Variants in PLCB1 observed in about 807,000 individuals in gnomAD.
PLCB1 encodes the protein phospholipase C beta 1.
Under a neutral mutation model 161.8 loss-of-function variants are expected in PLCB1, and 46 were observed. The observed-to-expected ratio is 0.28, with a 90% CI of 0.22 to 0.36. PLCB1 has a LOEUF of 0.36. PLCB1 is among the 10% of genes least tolerant of loss of function. PLCB1 has a pLI of 1.00. For missense variants in PLCB1, 1,016 were observed against 1,472.5 expected (o/e 0.69, Z 5.07); for synonymous variants, 517 against 503.7 (o/e 1.03, Z -0.35).
intron 2 of PLCB1, among the ~76,000 whole-genome samples, chr20:8,178,239 T>G (rs1173359486): frequency 6.6e-6 from 1 of 152,196 alleles, no homozygotes; most frequent in Non-Finnish European, 1.5e-5. Context: ...GGTTGAATGG[T>G]AGTTCTAAAT....
At position 8,717,786 on chromosome 20, in the gene PLCB1, A is replaced by G; in HGVS notation, c.1451A>G (p.Glu484Gly). ...SEGSGKKKLS[E>G]QASNTYSDSS... ...GGAAGCGGCAAAAAGAAGCTCTCAG[A>G]ACAAGCCTCCAACACCTACAGTGAC... Residue 484 changes from glutamate to glycine, a missense_variant, in exon 14 of 32, where the codon GAA (glutamate) becomes GGA (glycine). Around this residue, in one of 10 missense-constraint regions of PLCB1, gnomAD observed 109 missense variants for 129.7 expected, o/e 0.84. Coordinates refer to ENST00000338037, the MANE Select transcript of PLCB1 (RefSeq NM_015192.4). 6.2e-7 allele frequency: 1 copy of G among 1,614,102 alleles called. No homozygotes were observed. Among genetic ancestry groups the G allele is most frequent in the Non-Finnish European group, 8.5e-7 (1 of 1,179,968 alleles).
At chr20:8,757,307 C>T in intron 24 of PLCB1, 129 bp downstream of exon 24, 1 of 896,260 alleles carries the variant, frequency 1.1e-6, no homozygotes. Flanking sequence ...TTAGGAGGAG[C>T]TCCGTCAATG....
At chr20:8,137,922 A>G (rs959497175) in intron 1 of PLCB1, among the ~76,000 whole-genome samples, 1 of 152,236 alleles carries the variant, frequency 6.6e-6, no homozygotes, top group African/African-American at 2.4e-5. Context: ...CTTGAACAAC[A>G]GCAACAAAAG....
intron 2 of PLCB1, among the ~76,000 whole-genome samples, chr20:8,345,656 C>G (rs1169635234): frequency 2.6e-5 from 4 of 152,118 alleles, no homozygotes; most frequent in Non-Finnish European, 4.4e-5. Flanking sequence ...CAAAATATTC[C>G]TAGACTTTGC....
chr20:8,844,457 C>T (rs1453280656), intron 31 of PLCB1, among the ~76,000 whole-genome samples: 1 of 152,178 alleles, frequency 6.6e-6, no homozygotes, highest in Non-Finnish European at 1.5e-5. Context: ...ATGGCTAATG[C>T]CTGTAATCCT....
intron 11 of PLCB1, among the ~76,000 whole-genome samples, chr20:8,703,473 G>A (rs561783883): frequency 8.5e-5 from 13 of 152,126 alleles, no homozygotes; most frequent in Admixed American, 3.9e-4. Context: ...CATCCTCTAC[G>A]CTCAACCCAT....
Position 8,798,182 on chromosome 20 carries a change from G to A in PLCB1, c.3423+7921G>A, listed in dbSNP as rs901663818. On this transcript the variant is annotated intron_variant, in intron 31 of 31. Coordinates refer to ENST00000338037, the MANE Select transcript of PLCB1 (RefSeq NM_015192.4). ...ACTGCACTCCAGACTGTGTGACAGC[G>A]CAAGACTCTATATCGAAAAAAAAAA... Among the ~76,000 whole-genome samples the A allele has an allele frequency of 1.0e-3, 154 of 148,544 alleles. 4 individuals are homozygous for A. Among genetic ancestry groups the A allele is most frequent in the Admixed American group, 0.01 (152 of 14,946 alleles).
At chr20:8,403,126 T>C (rs1045470133) in intron 3 of PLCB1, among the ~76,000 whole-genome samples, 3 of 152,112 alleles carry the variant, frequency 2.0e-5, no homozygotes, top group African/African-American at 7.2e-5. Context: ...ACATCTCTTA[T>C]AGGAAAATCA....
intron 3 of PLCB1, among the ~76,000 whole-genome samples, chr20:8,480,410 GGGA>G (rs1274264938): frequency 6.6e-6 from 1 of 152,166 alleles, no homozygotes; most frequent in Non-Finnish European, 1.5e-5. Context: ...TGAAACTGGG[GGGA>G]GGAGAAGTGG....
intron 4 of PLCB1, among the ~76,000 whole-genome samples, chr20:8,629,970 CTTTCTTTCTTTCT>C (rs767494028): frequency 0.036 from 774 of 21,348 alleles, 25 homozygotes; most frequent in African/African-American, 0.1. Context: ...TTTCTTCTTT[CTTTCTTTCTTTCT>C]TTCTTTCTTT....
At chr20:8,368,357 G>A (rs952582309) in intron 2 of PLCB1, among the ~76,000 whole-genome samples, 4 of 151,632 alleles carry the variant, frequency 2.6e-5, no homozygotes, top group Non-Finnish European at 5.9e-5. Context: ...GCAAAATGCC[G>A]TATGTACTAA....
At chr20:8,201,643 T>C (rs1026876169) in intron 2 of PLCB1, among the ~76,000 whole-genome samples, 6 of 152,152 alleles carry the variant, frequency 3.9e-5, no homozygotes, top group African/African-American at 1.2e-4. Flanking sequence ...TCATATAGGT[T>C]ATTACTCTGC....
At chr20:8,651,102 A>G (rs1989307715) in intron 7 of PLCB1, among the ~76,000 whole-genome samples, 1 of 152,126 alleles carries the variant, frequency 6.6e-6, no homozygotes, top group African/African-American at 2.4e-5. Flanking sequence ...TCTCGTGCAG[A>G]GCTCTCCTTT....
intron 4 of PLCB1, among the ~76,000 whole-genome samples, chr20:8,629,871 T>TTCTCTCTC (rs1283829647): frequency 1.0e-5 from 1 of 95,902 alleles, no homozygotes; most frequent in Non-Finnish European, 2.3e-5. Context: ...CTTTCTTTCT[T>TTCTCTCTC]TCTTTCTCTC....
chr20:8,791,130 T>C lies in PLCB1; in HGVS notation c.3423+869T>C, dbSNP rs575981560. Among the ~76,000 whole-genome samples, 61 of 152,250 alleles carry C rather than the reference T, an allele frequency of 4.0e-4. No individual in the cohort carries two copies. The South Asian group carries it at 0.012, about 30-fold the overall frequency. ...ATGGATAATTCTAAATATATTTTCA[T>C]GGTTCTTTGTGCTCTTATGCTTTCA... On this transcript the variant is annotated intron_variant, in intron 31 of 31. Transcript: ENST00000338037.
chr20:8,621,838 T>C (rs1257568106), intron 3 of PLCB1, among the ~76,000 whole-genome samples: 1 of 152,242 alleles, frequency 6.6e-6, no homozygotes, highest in East Asian at 1.9e-4. Flanking sequence ...TTACTTCATC[T>C]TTCAGCACCT....
chr20:8,697,897 A>G, intron 11 of PLCB1, 114 bp downstream of exon 11: 2 of 901,850 alleles, frequency 2.2e-6, no homozygotes, highest in Non-Finnish European at 3.2e-6. Context: ...AAGGCTGTTA[A>G]TCATCTTTGC....
At chr20:8,581,549 TGACATAGGCAACA>T (rs1568516542) in intron 3 of PLCB1, among the ~76,000 whole-genome samples, 1 of 152,176 alleles carries the variant, frequency 6.6e-6, no homozygotes, top group African/African-American at 2.4e-5. Context: ...TTACAAGGTT[TGACATAGGCAACA>T]GTTACTATGG....
intron 23 of PLCB1, 151 bp downstream of exon 23, chr20:8,741,724 T>C: frequency 1.8e-6 from 1 of 569,392 alleles, no homozygotes; most frequent in Non-Finnish European, 3.2e-6. Flanking sequence ...TCACAGAACA[T>C]CTAGATGATT....
Sources: allele counts gnomAD v4.1 joint callset (sites outside exome capture counted in the v4.1 genomes callset), GRCh38; gene constraint gnomAD v4.1.1; regional missense constraint gnomAD v4.1.1; transcripts MANE v1.5; gene names NCBI Gene and HGNC (gene_info 2026-07-23, HGNC 2026-07-21).